The following ADAMTS13 variants were observed in gnomAD, a reference collection of about 807,000 sequenced individuals.
The protein encoded by ADAMTS13 is A disintegrin and metalloproteinase with thrombospondin motifs 13.
ADAMTS13 carries 110 observed loss-of-function variants against 155.1 expected under a neutral mutation model. The ratio of observed to expected loss-of-function variants is 0.71; its 90% confidence interval spans 0.61 to 0.83. ADAMTS13 has a LOEUF of 0.83. ADAMTS13 is among the 40% of genes least tolerant of loss of function. ADAMTS13 has a pLI of 0.00. For missense variants in ADAMTS13, 1,707 were observed against 1,891.7 expected (o/e 0.90, Z 1.81); for synonymous variants, 758 against 756.4 (o/e 1.00, Z -0.03).
rs781893176 is a variant in ADAMTS13, at chr9:133,449,822, GAGAGGGGTC to G, written c.2902_2910del (p.Arg968_Val970del). 6.2e-7 allele frequency: 1 copy of G among 1,614,078 alleles called. No individual in the cohort carries two copies. Among genetic ancestry groups the G allele is most frequent in the Admixed American group, 1.7e-5 (1 of 60,026 alleles). On this transcript the variant is annotated inframe_deletion, in exon 23 of 29. Coordinates refer to ENST00000355699, the MANE Select transcript of ADAMTS13 (RefSeq NM_139027.6). Reference sequence around the variant, plus strand: ...TGGCGGCCTGCAGCGTGAGCTGTGGGAGAGGGGTCGTGCGGAGGATCCTGTATTGTGCCC... The same window carrying G: ...TGGCGGCCTGCAGCGTGAGCTGTGGGGTGCGGAGGATCCTGTATTGTGCCC...
At chr9:133,455,111 C>T (rs587602522) in intron 24 of ADAMTS13, among the ~76,000 whole-genome samples, 174 bp from the exon 25 acceptor site, 16 of 152,276 alleles carry the variant, frequency 1.1e-4, no homozygotes, top group Admixed American at 8.5e-4. Flanking sequence ...ACCTATATGA[C>T]CCATGCAAGG....
chr9:133,417,984 G>T (rs1301480650), upstream of ADAMTS13: 5 of 748,554 alleles, frequency 6.7e-6, no homozygotes, highest in Non-Finnish European at 1.1e-5. Flanking sequence ...AAAAGACTCC[G>T]GAAGAGACCC....
At chr9:133,422,602 C>G (rs1840025631) in intron 1 of ADAMTS13, 54 bp downstream of exon 1, 1 of 1,580,352 alleles carries the variant, frequency 6.3e-7, no homozygotes, top group Non-Finnish European at 8.7e-7. Flanking sequence ...GTGGGGTATT[C>G]TGAGCTACCT....
rs367613712 is a variant in ADAMTS13 at position 133,448,577 on chromosome 9, G to C, written c.2732-22G>C. ...GCTGAGCCTGTCCCTTGGGGCTCTG[G>C]GTCTCTGCTTTGTCCACGCAGGTCT... On this transcript the variant is annotated intron_variant, in intron 21 of 28. Coordinates refer to ENST00000355699, the MANE Select transcript of ADAMTS13 (RefSeq NM_139027.6). 2.2e-5 allele frequency: 36 copies of C among 1,607,734 alleles called. No homozygotes were observed. The African/African-American group carries it at 3.9e-4, about 17-fold the overall frequency.
chr9:133,449,744 C>T (rs1554793780), intron 22 of ADAMTS13, 39 bp from the exon 23 acceptor site: 1 of 1,612,146 alleles, frequency 6.2e-7, no homozygotes, highest in Non-Finnish European at 8.5e-7. Context: ...TTCCCAGGCC[C>T]TGGGGCTGTT....
chr9:133,438,217 A>G (rs781877545), intron 13 of ADAMTS13, 29 bp from the exon 14 acceptor site: 3 of 1,614,032 alleles, frequency 1.9e-6, no homozygotes, highest in Non-Finnish European at 2.5e-6. Flanking sequence ...CTCCAGTGAC[A>G]CGGGCCCTCT....
chr9:133,432,491 T>A, intron 8 of ADAMTS13, 97 bp from the exon 9 acceptor site: 1 of 1,065,952 alleles, frequency 9.4e-7, no homozygotes, highest in Non-Finnish European at 1.4e-6. Flanking sequence ...GCTGTGTCAG[T>A]GTGTCCTGCA....
At chr9:133,431,906 G>A (rs1027153509) in intron 8 of ADAMTS13, among the ~76,000 whole-genome samples, 2 of 152,182 alleles carry the variant, frequency 1.3e-5, no homozygotes, top group African/African-American at 2.4e-5. Flanking sequence ...TGCCCGCCTC[G>A]GCCTTCCAAA....
intron 21 of ADAMTS13, among the ~76,000 whole-genome samples, chr9:133,447,982 TG>T (rs1554793091): frequency 3.3e-5 from 5 of 151,668 alleles, no homozygotes; most frequent in African/African-American, 1.2e-4. Context: ...TTTCATATTG[TG>T]ATTTTTTTTT....
intron 23 of ADAMTS13, among the ~76,000 whole-genome samples, chr9:133,450,537 C>G (rs782144598): frequency 3.3e-5 from 5 of 150,206 alleles, no homozygotes; most frequent in Non-Finnish European, 7.4e-5. Context: ...TGGACTCCAG[C>G]CTGGCTAACA....
At chr9:133,416,359 A>G (rs138357706) in intron 1 of ADAMTS13, among the ~76,000 whole-genome samples, 430 of 152,192 alleles carry the variant, frequency 2.8e-3, no homozygotes, top group Non-Finnish European at 4.8e-3. Flanking sequence ...TGGGGATCAC[A>G]TTTCTTTTTT....
At chr9:133,437,094 G>A in intron 12 of ADAMTS13, 139 bp downstream of exon 12, 1 of 1,158,452 alleles carries the variant, frequency 8.6e-7, no homozygotes, top group Non-Finnish European at 1.2e-6. Context: ...CACAGACCAT[G>A]GATGACATAG....
intron 23 of ADAMTS13, among the ~76,000 whole-genome samples, 168 bp downstream of exon 23, chr9:133,450,133 A>T (rs1554793978): frequency 6.7e-6 from 1 of 148,270 alleles, no homozygotes; most frequent in South Asian, 2.1e-4. Context: ...CCTCATCTCT[A>T]AAAAAAAAAC....
Position 133,445,946 on chromosome 9 carries a change from T to G in ADAMTS13, c.2731+127T>G, listed in dbSNP as rs1554792505. On this transcript the variant is annotated intron_variant, in intron 21 of 28. Coordinates refer to ENST00000355699, the MANE Select transcript of ADAMTS13 (RefSeq NM_139027.6). This position sits in a 1 kb window ranked among gnomAD's most constrained non-coding sequence, Gnocchi z 5.0. The stretch of plus-strand genomic sequence containing the variant: ...AAAATCCAGACTATATGGGAACACG[T>G]GGTAATACACAAGGAGACTAAGCAT... 1.5e-6 allele frequency: 2 copies of G among 1,329,428 alleles called. No individual in the cohort carries two copies. The highest frequency in any genetic ancestry group is 3.0e-5 in the African/African-American group (2 of 67,650). The allele number at this position is 1,329,428 out of a possible 1,614,324, so 82.4% of individuals were successfully genotyped here. A position where few individuals can be genotyped will look rare whatever the true frequency, so the allele number is the denominator to read the frequency against.
At chr9:133,450,041 T>C (rs1160092443) in intron 23 of ADAMTS13, 76 bp downstream of exon 23, 1 of 1,492,144 alleles carries the variant, frequency 6.7e-7, no homozygotes, top group East Asian at 2.5e-5. Context: ...TGTGTGCCTG[T>C]AATCGCAGCT....
At chr9:133,457,774 C>A in intron 27 of ADAMTS13, 136 bp from the exon 28 acceptor site, 1 of 1,123,256 alleles carries the variant, frequency 8.9e-7, no homozygotes, top group Non-Finnish European at 1.3e-6. Flanking sequence ...AGGTGGGGTT[C>A]AGCAGGATTT....
intron 11 of ADAMTS13, among the ~76,000 whole-genome samples, chr9:133,434,787 C>G (rs1298151689): frequency 1.3e-5 from 2 of 152,246 alleles, no homozygotes; most frequent in East Asian, 3.9e-4. Flanking sequence ...GGCTGTCACT[C>G]CCCATTTCTC....
chr9:133,428,744 G>C lies in ADAMTS13; in HGVS notation c.797G>C (p.Ser266Thr), dbSNP rs2130797453. 2.9e-6 allele frequency: 4 copies of C among 1,356,806 alleles called. No individual in the cohort carries two copies. Among genetic ancestry groups the C allele is most frequent in the Non-Finnish European group, 3.8e-6 (4 of 1,051,182 alleles). 84.0% of individuals were successfully genotyped at this position (1,356,806 alleles called of 1,614,324 possible). A position where few individuals can be genotyped will look rare whatever the true frequency, so the allele number is the denominator to read the frequency against. Residue 266 changes from serine to threonine, a missense_variant, in exon 7 of 29, where the codon AGC becomes ACC. Physicochemically the swap from Ser to Thr is moderately conservative, Grantham distance 58. Coordinates refer to ENST00000355699, the MANE Select transcript of ADAMTS13 (RefSeq NM_139027.6). Reference sequence around the variant, plus strand: ...GCCGGCCTCGCCTGGTCCCCCTGCAGCCGCCGGCAGCTGCTGAGCCTGCTC... The same window carrying C: ...GCCGGCCTCGCCTGGTCCCCCTGCACCCGCCGGCAGCTGCTGAGCCTGCTC... ...PRAGLAWSPC[S>T]RRQLLSLLSA... is the part of the protein sequence containing the mutation.
chr9:133,453,737 C>A (rs1050419021), intron 23 of ADAMTS13, among the ~76,000 whole-genome samples: 6 of 152,166 alleles, frequency 3.9e-5, no homozygotes, highest in African/African-American at 1.4e-4. Context: ...AAATCAGCAT[C>A]CAGTTGCTCA....
Sources: gnomAD v4.1 joint callset for allele counts (sites outside exome capture counted in the v4.1 genomes callset) on GRCh38, gnomAD v4.1.1 for gene constraint, Gnocchi (gnomAD v3.1) non-coding constraint, MANE v1.5 for transcripts, NCBI Gene and HGNC (gene_info 2026-07-23, HGNC 2026-07-21) for gene names.